Variants in BRWD3 observed in about 807,000 individuals in gnomAD.
BRWD3 encodes bromodomain and WD repeat domain containing 3.
BRWD3 carries 10 observed loss-of-function variants against 149.7 expected under a neutral mutation model. The observed-to-expected ratio is 0.07, with a 90% CI of 0.04 to 0.11. The LOEUF is 0.11. BRWD3 is among the 10% of genes least tolerant of loss of function. The probability of loss-of-function intolerance (pLI) is 1.00; values close to 1 mark genes in which losing one functional copy is unlikely to be tolerated. For synonymous variants in BRWD3, 504 were observed against 456.7 expected (o/e 1.10, Z -1.32); for missense variants, 940 against 1,373.2 (o/e 0.68, Z 4.99).
chrX:80,687,290 C>T (rs1411703684), intron 34 of BRWD3, among the ~76,000 whole-genome samples: 1 of 111,076 alleles, frequency 9.0e-6, no homozygotes, highest in Admixed American at 9.7e-5. Context: ...CTTCTTTCCT[C>T]TACAACATCA....
chrX:80,705,138 C>A, intron 22 of BRWD3, among the ~76,000 whole-genome samples: 1 of 110,194 alleles, frequency 9.1e-6, no homozygotes, highest in Non-Finnish European at 1.9e-5. Context: ...TGATGGCACA[C>A]GCCTGTAGTC....
chrX:80,780,954 G>T (rs891521288), intron 6 of BRWD3, among the ~76,000 whole-genome samples: 18 of 111,655 alleles, frequency 1.6e-4, no homozygotes, highest in African/African-American at 5.9e-4. Flanking sequence ...GTGAATTCTG[G>T]CATGAAGAGT....
chrX:80,780,717 G>T (rs2074047637), intron 6 of BRWD3, among the ~76,000 whole-genome samples: 1 of 111,814 alleles, frequency 8.9e-6, no homozygotes, highest in South Asian at 3.7e-4. Flanking sequence ...AATTATGAGA[G>T]TACAAAGAGG....
chrX:80,741,205 C>T (rs777505435), intron 8 of BRWD3, among the ~76,000 whole-genome samples: 2 of 111,374 alleles, frequency 1.8e-5, no homozygotes, highest in Non-Finnish European at 3.8e-5. Flanking sequence ...TGATGGTTTC[C>T]AGCTTCATCC....
chrX:80,694,555 C>T (rs1255069320), intron 27 of BRWD3, among the ~76,000 whole-genome samples: 3 of 111,291 alleles, frequency 2.7e-5, no homozygotes, highest in East Asian at 2.9e-4. Context: ...ACATACCCTG[C>T]GAAGCCACAG....
At chrX:80,698,104 T>C (rs1444961042) in intron 25 of BRWD3, among the ~76,000 whole-genome samples, 1 of 112,378 alleles carries the variant, frequency 8.9e-6, no homozygotes. Flanking sequence ...CGCTTATACA[T>C]TTTCTTTTAA....
chrX:80,809,168 G>T, intron 2 of BRWD3, 78 bp downstream of exon 2: 1 of 1,143,295 alleles, frequency 8.7e-7, no homozygotes, highest in Non-Finnish European at 1.2e-6. Flanking sequence ...CACCCTCAAC[G>T]GAACTGCTCG....
intron 6 of BRWD3, among the ~76,000 whole-genome samples, chrX:80,753,404 G>C (rs1310986275): frequency 3.7e-5 from 4 of 109,482 alleles, no homozygotes; most frequent in Non-Finnish European, 7.6e-5. Context: ...TGAGTAGCTG[G>C]GATTACAGGC....
chrX:80,743,894 C>T, intron 8 of BRWD3, 138 bp downstream of exon 8: 1 of 418,721 alleles, frequency 2.4e-6, no homozygotes, highest in Non-Finnish European at 4.1e-6. Context: ...TATCTTGCTG[C>T]AGGGTAGGAG....
chrX:80,792,278 G>A (rs969153379), intron 5 of BRWD3, among the ~76,000 whole-genome samples: 14 of 111,182 alleles, frequency 1.3e-4, no homozygotes, highest in African/African-American at 3.6e-4. Context: ...TTGATCTTTA[G>A]GCTTACACGT....
chrX:80,753,869 C>T (rs2073703916), intron 6 of BRWD3, among the ~76,000 whole-genome samples: 2 of 110,791 alleles, frequency 1.8e-5, no homozygotes, highest in African/African-American at 6.6e-5. Context: ...CTATTCTGTT[C>T]CTTTGGTCTG....
chrX:80,786,177 G>T (rs1419036499), intron 6 of BRWD3, among the ~76,000 whole-genome samples: 1 of 112,130 alleles, frequency 8.9e-6, no homozygotes, highest in Non-Finnish European at 1.9e-5. Context: ...GTTGCTGAAT[G>T]TCAAATTACT....
intron 4 of BRWD3, among the ~76,000 whole-genome samples, chrX:80,802,966 G>A (rs184074825): frequency 0.011 from 1,198 of 110,074 alleles, 7 homozygotes; most frequent in Middle Eastern, 0.042. Context: ...TTAGCCGGGC[G>A]TAGCGGGCGC....
chrX:80,780,667 T>C (rs1321560971), intron 6 of BRWD3, among the ~76,000 whole-genome samples: 6 of 111,895 alleles, frequency 5.4e-5, no homozygotes, highest in African/African-American at 1.6e-4. Context: ...TCTCCAGGTA[T>C]ATAAAAGTAA....
chrX:80,742,269 T>C (rs1405170898), intron 8 of BRWD3, among the ~76,000 whole-genome samples: 2 of 110,730 alleles, frequency 1.8e-5, no homozygotes, highest in Non-Finnish European at 3.8e-5. Flanking sequence ...CATTGGTCTA[T>C]ATTTCTGTTT....
In BRWD3 at chrX:80,757,917, T is replaced by C. The variant is rs752838886; in HGVS notation, c.431-12188A>G. ...AGATACTGATTATAAACAAGTCAAATAGGCTGGGCGCGGTGGCTCACGCCT... is the reference window on the plus strand; with the variant it reads ...AGATACTGATTATAAACAAGTCAAACAGGCTGGGCGCGGTGGCTCACGCCT... On this transcript the variant is annotated intron_variant, in intron 6 of 40. Transcript: ENST00000373275. Among the ~76,000 whole-genome samples the C allele has an allele frequency of 4.5e-5, 5 of 112,287 alleles. No individual in the cohort carries two copies. The East Asian group carries it at 8.4e-4, about 19-fold the overall frequency.
chrX:80,682,417 A>G, intron 38 of BRWD3, 48 bp downstream of exon 38: 1 of 1,173,912 alleles, frequency 8.5e-7, no homozygotes, highest in Non-Finnish European at 1.2e-6. Flanking sequence ...TAGGTAATAC[A>G]TACAAAATGC....
In BRWD3 at chrX:80,791,873, A is replaced by G. The variant is rs763022425; in HGVS notation, c.411T>C (p.Tyr137=). 2 of 1,205,612 alleles carry G rather than the reference A, an allele frequency of 1.7e-6. No individual in the cohort carries two copies. The highest frequency in any genetic ancestry group is 4.3e-5 in the Admixed American group (2 of 45,987). ...RGRPPELPVN[Y]VKPPNVVNIT... ...ACTCACCCACATTTGGAGGTTTCAC[A>G]TAATTTACAGGTAGTTCTGGAGGTC... The change falls in exon 6 of 41, where the codon TAT becomes TAC. Residue 137 remains tyrosine (Y), a synonymous_variant. Coordinates refer to ENST00000373275, the MANE Select transcript of BRWD3 (RefSeq NM_153252.5).
intron 6 of BRWD3, among the ~76,000 whole-genome samples, chrX:80,784,437 G>T (rs1447544556): frequency 1.8e-5 from 2 of 111,412 alleles, no homozygotes; most frequent in South Asian, 7.7e-4. Flanking sequence ...GTGCAGGTTT[G>T]TTACATAGGT....
Sources: gnomAD v4.1 joint callset for allele counts (sites outside exome capture counted in the v4.1 genomes callset) on GRCh38, gnomAD v4.1.1 for gene constraint, MANE v1.5 for transcripts, NCBI Gene and HGNC (gene_info 2026-07-23, HGNC 2026-07-21) for gene names.